ZNF534: variants seen among roughly 807,000 people sequenced by gnomAD.
The protein encoded by ZNF534 is KRAB domain only 3.
Under a neutral mutation model 13.6 loss-of-function variants are expected in ZNF534, and 19 were observed. That is an observed-to-expected ratio of 1.40 (90% confidence interval 0.97 to 2.05). The LOEUF (loss-of-function observed/expected upper bound fraction) is 2.05, where lower values mean the gene tolerates loss of function less well. Among genes scored for constraint, ZNF534 ranks in the 30% most tolerant of loss-of-function variants. ZNF534 has a pLI of 0.00. For missense variants in ZNF534, 782 were observed against 796.3 expected (o/e 0.98, Z 0.22); for synonymous variants, 244 against 273.8 (o/e 0.89, Z 1.07).
At chr19:52,432,970 T>C (rs1045035757) in intron 2 of ZNF534, among the ~76,000 whole-genome samples, 3 of 151,974 alleles carry the variant, frequency 2.0e-5, no homozygotes, top group African/African-American at 7.2e-5. Flanking sequence ...AGGTCGGATG[T>C]GGTAGCTCAT....
Position 52,439,501 on chromosome 19 carries a change from T to C in ZNF534, c.*55T>C. 1.4e-6 allele frequency: 2 copies of C among 1,454,618 alleles called. No homozygotes were observed. Among genetic ancestry groups the C allele is most frequent in the South Asian group, 3.0e-5 (2 of 67,666 alleles). 90.1% of individuals were successfully genotyped at this position (1,454,618 alleles called of 1,614,324 possible). On this transcript the variant is annotated 3_prime_UTR_variant, in exon 5 of 5. Transcript: ENST00000433050. Reference sequence around the variant, plus strand: ...GCTCACGTCTGTAATCCCAGCACTTTGGGAGTCCGAGGCAGGTGGATCATG... The same window carrying C: ...GCTCACGTCTGTAATCCCAGCACTTCGGGAGTCCGAGGCAGGTGGATCATG...
chr19:52,446,862 A>G (rs1370280471), downstream of ZNF534, among the ~76,000 whole-genome samples: 1 of 152,226 alleles, frequency 6.6e-6, no homozygotes, highest in Non-Finnish European at 1.5e-5. Context: ...TGTCTCACAC[A>G]CAGACGTACA....
chr19:52,438,536 G>A lies in ZNF534; in HGVS notation c.1076G>A (p.Cys359Tyr), dbSNP rs777720150. The change falls in exon 5 of 5, where the codon TGT becomes TAT. Residue 359 changes from cysteine to tyrosine, a missense_variant. This residue lies in a region of ZNF534 where 591 missense variants were observed against 574.0 expected (regional missense o/e 1.03). Coordinates refer to ENST00000433050, the MANE Select transcript of ZNF534 (RefSeq NM_001143938.3). ...TGERPYKCNE[C>Y]GKGFSRIAFL... ...GAGAGACCATACAAATGTAATGAAT[G>A]TGGCAAGGGGTTTAGTCGAATTGCA... is the stretch of plus-strand genomic sequence containing the variant. 4 of 1,582,334 alleles carry A rather than the reference G, an allele frequency of 2.5e-6. No individual in the cohort carries two copies. The highest frequency in any genetic ancestry group is 3.4e-6 in the Non-Finnish European group (4 of 1,163,376).
rs1210642813 is a variant in ZNF534, at chr19:52,438,582, A to G, written c.1122A>G (p.Lys374=). The stretch of plus-strand genomic sequence containing the variant: ...TTGCATTCCTTGCAAGGCATCGGAA[A>G]GTTCATACTGGAGAGAAACCTTACA... ...SRIAFLARHR[K]VHTGEKPYKC... Residue 374 remains lysine (K), a synonymous_variant, in exon 5 of 5, where the codon AAA becomes AAG. Transcript: ENST00000433050. The G allele has an allele frequency of 1.9e-6, 3 of 1,586,096 alleles. No homozygotes were observed. Among genetic ancestry groups the G allele is most frequent in the African/African-American group, 1.3e-5 (1 of 74,248 alleles).
At chr19:52,446,514 C>G (rs965495109), downstream of ZNF534, among the ~76,000 whole-genome samples, 1 of 151,290 alleles carries the variant, frequency 6.6e-6, no homozygotes, top group African/African-American at 2.4e-5. Context: ...TTTATTGGTT[C>G]CCTATTGCTG....
At chr19:52,445,136 A>C (rs1235729924), downstream of ZNF534, among the ~76,000 whole-genome samples, 2 of 151,966 alleles carry the variant, frequency 1.3e-5, no homozygotes, top group Non-Finnish European at 2.9e-5. Flanking sequence ...GGCAAGGCAG[A>C]AAATGGCTTG....
exon 5 of ZNF534, chr19:52,451,870 A>G: frequency 1.4e-6 from 1 of 731,274 alleles, no homozygotes; most frequent in Non-Finnish European, 2.4e-6. Context: ...TTTAATCCAG[A>G]AATAGAAGAA....
At chr19:52,435,533 C>G (rs903151131) in intron 4 of ZNF534, among the ~76,000 whole-genome samples, 21 of 152,062 alleles carry the variant, frequency 1.4e-4, no homozygotes, top group Admixed American at 2.6e-4. Context: ...GATAGCGTCT[C>G]TCTCCTGTCA....
intron 4 of ZNF534, among the ~76,000 whole-genome samples, chr19:52,435,625 T>C (rs2059123819): frequency 6.6e-6 from 1 of 152,158 alleles, no homozygotes; most frequent in Admixed American, 6.5e-5. Context: ...CACCTCAGCC[T>C]TCTGAATAGC....
At chr19:52,432,130 G>A (rs761553014) in intron 2 of ZNF534, among the ~76,000 whole-genome samples, 26 of 151,812 alleles carry the variant, frequency 1.7e-4, no homozygotes, top group South Asian at 6.2e-4. Context: ...ACATTATCAT[G>A]TATGATGATA....
intron 4 of ZNF534, chr19:52,451,110 A>G: frequency 3.4e-6 from 2 of 585,402 alleles, no homozygotes; most frequent in Non-Finnish European, 6.1e-6. Flanking sequence ...TTTCCCACCC[A>G]TAAAGATGGG....
chr19:52,432,642 A>G (rs145443236), intron 2 of ZNF534, among the ~76,000 whole-genome samples: 8 of 151,070 alleles, frequency 5.3e-5, no homozygotes, highest in African/African-American at 1.5e-4. Flanking sequence ...TTATTTATTT[A>G]TTTTTTTTGA....
downstream of ZNF534, among the ~76,000 whole-genome samples, chr19:52,444,520 G>A (rs2122719306): frequency 6.6e-6 from 1 of 152,222 alleles, no homozygotes; most frequent in Non-Finnish European, 1.5e-5. Context: ...ATCAGCTGTG[G>A]TAGTATGGGG....
At chr19:52,450,538 AG>A (rs968757328) in intron 4 of ZNF534, among the ~76,000 whole-genome samples, 13 of 152,126 alleles carry the variant, frequency 8.5e-5, no homozygotes, top group African/African-American at 3.1e-4. Flanking sequence ...CCCAGTAGCA[AG>A]CTGTTTTGGA....
At chr19:52,444,185 G>T (rs2059186278), downstream of ZNF534, among the ~76,000 whole-genome samples, 1 of 152,078 alleles carries the variant, frequency 6.6e-6, no homozygotes, top group Non-Finnish European at 1.5e-5. Flanking sequence ...TGTCCCATGG[G>T]GTATTCCCTT....
In ZNF534 at chr19:52,431,425, A is replaced by G; in HGVS notation, c.-50A>G. 2 of 1,612,544 alleles carry G rather than the reference A, an allele frequency of 1.2e-6. No homozygotes were observed. Among genetic ancestry groups the G allele is most frequent in the Non-Finnish European group, 8.5e-7 (1 of 1,178,670 alleles). ...GATACTAGGATTCACTTTCAAAGAG[A>G]CATATTATGCAAGGAAGCAACTCGG... On this transcript the variant is annotated 5_prime_UTR_variant, in exon 2 of 5. Coordinates refer to ENST00000433050, the MANE Select transcript of ZNF534 (RefSeq NM_001143938.3).
At chr19:52,433,623 C>T (rs1189806464) in intron 2 of ZNF534, among the ~76,000 whole-genome samples, 2 of 152,234 alleles carry the variant, frequency 1.3e-5, no homozygotes. Context: ...GCCTTGGCCT[C>T]CCAAAATGCT....
chr19:52,439,239 T>C lies in ZNF534; in HGVS notation c.1779T>C (p.Leu593=). 1 of 1,525,720 alleles carries C rather than the reference T, an allele frequency of 6.6e-7. No individual in the cohort carries two copies. The highest frequency in any genetic ancestry group is 1.3e-5 in the South Asian group (1 of 78,424). 94.5% of individuals were successfully genotyped at this position (1,525,720 alleles called of 1,614,324 possible). Residue 593 remains leucine (L), a synonymous_variant, in exon 5 of 5, where the codon CTT becomes CTC. Transcript: ENST00000433050. The part of the protein sequence containing the change: ...CGKVFSRNSH[L]ARHRKIHTGE... ...AGGTCTTCAGTCGGAATTCACACCT[T>C]GCGCGACATAGGAAAATTCATACTG...
chr19:52,439,092 T>A lies in ZNF534; in HGVS notation c.1632T>A (p.His544Gln). 2 of 1,594,674 alleles carry A rather than the reference T, an allele frequency of 1.3e-6. No homozygotes were observed. Among genetic ancestry groups the A allele is most frequent in the Non-Finnish European group, 1.7e-6 (2 of 1,169,966 alleles). Reference sequence around the variant, plus strand: ...ACCTTGTGCGACATAGGAATGTTCATACTGGAGAAAAGCCTTACAGTTGTA... The same window carrying A: ...ACCTTGTGCGACATAGGAATGTTCAAACTGGAGAAAAGCCTTACAGTTGTA... Reference protein sequence around the residue: ...NSHLVRHRNVHTGEKPYSCNE... With the variant: ...NSHLVRHRNVQTGEKPYSCNE... The change falls in exon 5 of 5, where the codon CAT becomes CAA. Residue 544 changes from histidine to glutamine, a missense_variant. Coordinates refer to ENST00000433050, the MANE Select transcript of ZNF534 (RefSeq NM_001143938.3).
Sources: allele counts gnomAD v4.1 joint callset (sites outside exome capture counted in the v4.1 genomes callset), GRCh38; gene constraint gnomAD v4.1.1; regional missense constraint gnomAD v4.1.1; transcripts MANE v1.5; gene names NCBI Gene and HGNC (gene_info 2026-07-23, HGNC 2026-07-21).